CFAP20DC: variants seen among roughly 807,000 people sequenced by gnomAD.
CFAP20DC encodes the protein CFAP20 domain containing, also known as protein CFAP20DC.
CFAP20DC carries 84 observed loss-of-function variants against 101.7 expected under a neutral mutation model. The ratio of observed to expected loss-of-function variants is 0.83; its 90% CI spans 0.69 to 0.99. The LOEUF is 0.99. Among genes scored for constraint, CFAP20DC ranks in the 50% least tolerant of loss-of-function variants. CFAP20DC has a pLI of 0.00. For synonymous variants in CFAP20DC, 359 were observed against 351.2 expected, an observed-to-expected ratio of 1.02 and a Z score of -0.25; for missense variants, 1,007 against 970.3, an observed-to-expected ratio of 1.04 and a Z score of -0.50.
At chr3:58,985,718 C>G (rs2092728655) in intron 4 of CFAP20DC, among the ~76,000 whole-genome samples, 1 of 152,158 alleles carries the variant, frequency 6.6e-6, no homozygotes, top group Admixed American at 6.6e-5. Context: ...ATCAACATAC[C>G]TCTAACTAAA....
At chr3:58,726,890 C>T in intron 3 of CFAP20DC, 2 of 246,622 alleles carry the variant, frequency 8.1e-6, no homozygotes, top group South Asian at 6.9e-5. Context: ...TGACCCATTA[C>T]TTCCACTCGC....
At chr3:58,781,206 G>T (rs1252484214) in intron 15 of CFAP20DC, among the ~76,000 whole-genome samples, 1 of 151,424 alleles carries the variant, frequency 6.6e-6, no homozygotes. Context: ...CAAAGAAAAA[G>T]TTACAGAGGA....
At chr3:58,760,746 G>A (rs553046959) in intron 15 of CFAP20DC, among the ~76,000 whole-genome samples, 1 of 152,094 alleles carries the variant, frequency 6.6e-6, no homozygotes, top group Admixed American at 6.6e-5. Flanking sequence ...TAGCATGAAG[G>A]GTTGTTGAAT....
Position 59,036,532 on chromosome 3 carries a change from C to T in CFAP20DC, c.278+3025G>A, listed in dbSNP as rs576933520. ...AACAGAGAGCCAAATCATGAGTGAACTCCCATTCACAAGTGCTACAAAGAG... is the reference window on the plus strand; with the variant it reads ...AACAGAGAGCCAAATCATGAGTGAATTCCCATTCACAAGTGCTACAAAGAG... On this transcript the variant is annotated intron_variant, in intron 4 of 16. Transcript: ENST00000482387. 3.0e-3 allele frequency among the ~76,000 whole-genome samples: 463 copies of T among 152,192 alleles called. 1 individual carries two copies. The highest frequency in any genetic ancestry group is 4.6e-3 in the Non-Finnish European group (311 of 68,004).
chr3:58,970,685 G>A (rs1034210289), intron 4 of CFAP20DC: 6 of 152,234 alleles, frequency 3.9e-5, no homozygotes, highest in Non-Finnish European at 7.4e-5. Context: ...ATAGGAACAG[G>A]AGTCAACCTC....
chr3:58,806,712 G>A (rs373781072), intron 14 of CFAP20DC, among the ~76,000 whole-genome samples: 123 of 152,318 alleles, frequency 8.1e-4, no homozygotes, highest in Middle Eastern at 3.4e-3. Flanking sequence ...GCCAGATAGT[G>A]GGTGCAGGAC....
chr3:58,855,335 C>G (rs1466673807), intron 12 of CFAP20DC, among the ~76,000 whole-genome samples: 1 of 152,106 alleles, frequency 6.6e-6, no homozygotes, highest in Non-Finnish European at 1.5e-5. Context: ...AGTCAGGAAA[C>G]AACAGGTGCT....
chr3:58,874,705 A>G lies in CFAP20DC; in HGVS notation c.716-4396T>C, dbSNP rs1188568863. Among the ~76,000 whole-genome samples, 2 of 152,164 alleles carry G rather than the reference A, an allele frequency of 1.3e-5. No homozygotes were observed. The highest frequency in any genetic ancestry group is 2.4e-5 in the African/African-American group (1 of 41,424). ...CAAGTCTTTGCAGACCTTTCTGATT[A>G]GGGTAAGTTCCTCCAATATAGGCTC... On this transcript the variant is annotated intron_variant, in intron 7 of 16. Coordinates refer to ENST00000482387, the MANE Select transcript of CFAP20DC (RefSeq NM_001394063.1). The surrounding 1 kb of genome is among the most constrained non-coding windows in gnomAD (Gnocchi z 5.1).
chr3:59,022,379 T>C (rs2109000166), intron 4 of CFAP20DC, among the ~76,000 whole-genome samples: 1 of 152,208 alleles, frequency 6.6e-6, no homozygotes, highest in Non-Finnish European at 1.5e-5. Flanking sequence ...GGATAAGATT[T>C]GTAGATGCTC....
At chr3:58,934,452 G>T (rs1471724158) in intron 5 of CFAP20DC, among the ~76,000 whole-genome samples, 1 of 152,008 alleles carries the variant, frequency 6.6e-6, no homozygotes, top group Non-Finnish European at 1.5e-5. Context: ...TACCAAAGCT[G>T]GGCAGAGACA....
chr3:58,989,243 A>C (rs748473577), intron 4 of CFAP20DC, among the ~76,000 whole-genome samples: 1 of 152,148 alleles, frequency 6.6e-6, no homozygotes, highest in Non-Finnish European at 1.5e-5. Flanking sequence ...AATCTAGGTC[A>C]TTCTATCATT....
intron 6 of CFAP20DC, among the ~76,000 whole-genome samples, chr3:58,903,909 G>A (rs578035084): frequency 7.2e-5 from 11 of 152,218 alleles, no homozygotes; most frequent in African/African-American, 2.2e-4. Flanking sequence ...CTGTAGCTTC[G>A]CAGTAAGTTT....
At chr3:58,967,325 A>G (rs558704441) in intron 4 of CFAP20DC, among the ~76,000 whole-genome samples, 28 of 152,284 alleles carry the variant, frequency 1.8e-4, no homozygotes, top group African/African-American at 6.7e-4. Context: ...CAAAAGAAAA[A>G]AATTTGATCC....
At chr3:58,794,873 A>C (rs1371418295) in intron 15 of CFAP20DC, among the ~76,000 whole-genome samples, 2 of 152,214 alleles carry the variant, frequency 1.3e-5, no homozygotes, top group African/African-American at 2.4e-5. Context: ...TGAAAGTATG[A>C]GCTACAATAC....
At chr3:58,947,696 G>A (rs550336044) in intron 4 of CFAP20DC, among the ~76,000 whole-genome samples, 2 of 152,298 alleles carry the variant, frequency 1.3e-5, no homozygotes, top group Non-Finnish European at 2.9e-5. Flanking sequence ...GTTGTGCAGC[G>A]TCTTTAGGAA....
intron 13 of CFAP20DC, among the ~76,000 whole-genome samples, chr3:58,842,057 A>C (rs539251697): frequency 6.6e-6 from 1 of 152,214 alleles, no homozygotes; most frequent in Non-Finnish European, 1.5e-5. Context: ...GTAATAGATA[A>C]CTCTATTAAA....
chr3:59,043,236 G>A (rs1699553632), intron 3 of CFAP20DC, among the ~76,000 whole-genome samples: 1 of 152,104 alleles, frequency 6.6e-6, no homozygotes, highest in African/African-American at 2.4e-5. Context: ...CAGGGACGCT[G>A]CAACATTAAT....
chr3:58,784,350 A>G (rs1276886976), intron 15 of CFAP20DC, among the ~76,000 whole-genome samples: 1 of 152,042 alleles, frequency 6.6e-6, no homozygotes, highest in Non-Finnish European at 1.5e-5. Context: ...TAGCAACAAT[A>G]GAAACTGGGG....
At chr3:59,027,392 A>T (rs1017928148) in intron 4 of CFAP20DC, among the ~76,000 whole-genome samples, 2 of 152,314 alleles carry the variant, frequency 1.3e-5, no homozygotes, top group African/African-American at 4.8e-5. Context: ...AATATTCTCC[A>T]TGACCCAAGG....
Sources: gnomAD v4.1 joint callset for allele counts (sites outside exome capture counted in the v4.1 genomes callset) on GRCh38, gnomAD v4.1.1 for gene constraint, Gnocchi (gnomAD v3.1) non-coding constraint, MANE v1.5 for transcripts, NCBI Gene and HGNC (gene_info 2026-07-23, HGNC 2026-07-21) for gene names.